Variants in ATP5MJ observed in about 807,000 individuals in gnomAD.
ATP5MJ encodes the protein ATP synthase membrane subunit j, also known as ATP synthase F(0) complex subunit j, mitochondrial.
In ATP5MJ, 4 loss-of-function variants were observed where a neutral mutation model predicts 8.3. The observed-to-expected ratio is 0.48, with a 90% confidence interval of 0.24 to 1.11. ATP5MJ has a LOEUF of 1.11. Among genes scored for constraint, ATP5MJ ranks in the 50% least tolerant of loss-of-function variants. The pLI is 0.18. For missense variants in ATP5MJ, 66 were observed against 71.8 expected, an observed-to-expected ratio of 0.92 and a Z score of 0.29; for synonymous variants, 23 against 21.3, an observed-to-expected ratio of 1.08 and a Z score of -0.23.
chr14:103,920,812 CTGTG>C, intron 1 of ATP5MJ: 1 of 784,162 alleles, frequency 1.3e-6, no homozygotes, highest in Admixed American at 2.0e-5. Flanking sequence ...CATTTCCTAG[CTGTG>C]TGTGTCAGTT....
intron 3 of ATP5MJ, chr14:103,913,146 C>T (rs2087593821): frequency 6.4e-6 from 1 of 156,548 alleles, no homozygotes; most frequent in South Asian, 1.9e-4. Flanking sequence ...CCGGCCAACC[C>T]CATCTCTACT....
At chr14:103,917,011 G>A (rs1451876212) in intron 1 of ATP5MJ, among the ~76,000 whole-genome samples, 1 of 152,124 alleles carries the variant, frequency 6.6e-6, no homozygotes, top group Non-Finnish European at 1.5e-5. Flanking sequence ...TTATTCACTT[G>A]GCAAATGTGC....
chr14:103,921,293 C>G (rs1291352629), intron 1 of ATP5MJ, 177 bp downstream of exon 1: 1 of 384,410 alleles, frequency 2.6e-6, no homozygotes, highest in African/African-American at 2.0e-5. Context: ...GCGATGCTTC[C>G]CTCTGGCAAC....
chr14:103,915,809 C>T (rs977028578), intron 1 of ATP5MJ, among the ~76,000 whole-genome samples: 4 of 152,012 alleles, frequency 2.6e-5, no homozygotes, highest in Non-Finnish European at 5.9e-5. Flanking sequence ...CTTTCCACAG[C>T]TCTTCCAACT....
chr14:103,915,308 G>A (rs1267804801), intron 1 of ATP5MJ, 119 bp from the exon 2 acceptor site: 1 of 1,163,646 alleles, frequency 8.6e-7, no homozygotes, highest in East Asian at 2.5e-5. Flanking sequence ...AGCCTCGCCT[G>A]TGTCAGATGT....
At position 103,912,646 on chromosome 14, in the gene ATP5MJ, T is replaced by A; in HGVS notation, c.*20A>T. The A allele has an allele frequency of 6.2e-7, 1 of 1,613,512 alleles. No individual in the cohort carries two copies. Among genetic ancestry groups the A allele is most frequent in the Non-Finnish European group, 8.5e-7 (1 of 1,179,504 alleles). On this transcript the variant is annotated 3_prime_UTR_variant, in exon 4 of 4. Coordinates refer to ENST00000286953, the MANE Select transcript of ATP5MJ (RefSeq NM_004894.3). ...AGGCAGACTGACGTTTTCTTTCACA[T>A]GTACTCCAAGTAAATCTGGTTAGTG... is the stretch of plus-strand genomic sequence containing the variant.
intron 3 of ATP5MJ, 189 bp from the exon 4 acceptor site, chr14:103,912,883 C>G: frequency 3.3e-6 from 2 of 603,016 alleles, no homozygotes; most frequent in South Asian, 2.1e-5. Flanking sequence ...CATGTAATGA[C>G]AGCAGACAGG....
At chr14:103,917,553 G>A (rs986237392) in intron 1 of ATP5MJ, among the ~76,000 whole-genome samples, 3 of 151,726 alleles carry the variant, frequency 2.0e-5, no homozygotes, top group African/African-American at 7.3e-5. Context: ...GATGGGATTC[G>A]AGGGCAGCTG....
intron 2 of ATP5MJ, chr14:103,914,603 C>T (rs917592826): frequency 1.5e-5 from 10 of 653,182 alleles, no homozygotes; most frequent in Non-Finnish European, 2.8e-5. Flanking sequence ...GAGTTCAAGA[C>T]CAGCCTGGGT....
chr14:103,918,546 G>A (rs1411040579), intron 1 of ATP5MJ, among the ~76,000 whole-genome samples: 1 of 151,786 alleles, frequency 6.6e-6, no homozygotes, highest in African/African-American at 2.4e-5. Flanking sequence ...ATTTTTAGTA[G>A]AGACTTGGTT....
At position 103,912,687 on chromosome 14, in the gene ATP5MJ, C is replaced by G. The variant is rs773442111; in HGVS notation, c.156G>C (p.Ala52=). Residue 52 remains alanine, a synonymous_variant, in exon 4 of 4, where the codon GCG becomes GCC. Coordinates refer to ENST00000286953, the MANE Select transcript of ATP5MJ (RefSeq NM_004894.3). The stretch of plus-strand genomic sequence containing the variant: ...CTGGTTAGTGATGACCAGGAGCAGG[C>G]GCTGAAGCTTTTGAAAGAGATGCAT... The part of the protein sequence containing the change: ...DKRSKALKAS[A]PAPGHH 6.2e-7 allele frequency: 1 copy of G among 1,613,736 alleles called. No individual in the cohort carries two copies. The highest frequency in any genetic ancestry group is 8.5e-7 in the Non-Finnish European group (1 of 1,179,884).
chr14:103,915,217 T>C, intron 1 of ATP5MJ, 28 bp from the exon 2 acceptor site: 1 of 1,606,142 alleles, frequency 6.2e-7, no homozygotes, highest in South Asian at 1.1e-5. Flanking sequence ...GATTAAAAAT[T>C]AGAATGATGA....
intron 3 of ATP5MJ, 35 bp from the exon 4 acceptor site, chr14:103,912,729 AGAAG>A: frequency 1.7e-5 from 27 of 1,604,318 alleles, no homozygotes; most frequent in Non-Finnish European, 2.2e-5. Flanking sequence ...ATATGATTTA[AGAAG>A]GAAGGAACAA....
intron 1 of ATP5MJ, among the ~76,000 whole-genome samples, chr14:103,917,545 T>A (rs1453545019): frequency 6.6e-6 from 1 of 152,112 alleles, no homozygotes; most frequent in East Asian, 1.9e-4. Context: ...CTGGCCTGGA[T>A]GGGATTCGAG....
intron 1 of ATP5MJ, among the ~76,000 whole-genome samples, chr14:103,917,524 A>G (rs1430555486): frequency 6.6e-6 from 1 of 151,588 alleles, no homozygotes; most frequent in Non-Finnish European, 1.5e-5. Flanking sequence ...AATTCAGTTT[A>G]GAATCTGGAA....
intron 2 of ATP5MJ, 181 bp downstream of exon 2, chr14:103,914,884 CA>C (rs1438068739): frequency 2.0e-6 from 1 of 505,698 alleles, no homozygotes; most frequent in Non-Finnish European, 3.1e-6. Context: ...AAAAATTCCC[CA>C]CTGTCCCCAA....
intron 2 of ATP5MJ, chr14:103,914,571 T>C (rs974188747): frequency 2.9e-6 from 2 of 688,822 alleles, no homozygotes; most frequent in Non-Finnish European, 5.3e-6. Flanking sequence ...GAAGCCAAGA[T>C]TGGAGGACTG....
intron 3 of ATP5MJ, chr14:103,913,446 C>T (rs913786266): frequency 2.4e-5 from 4 of 164,656 alleles, no homozygotes; most frequent in Non-Finnish European, 3.9e-5. Context: ...CCTATCTCTA[C>T]TAAAAATACA....
intron 1 of ATP5MJ, chr14:103,921,162 A>T (rs1312124833): frequency 6.1e-6 from 5 of 822,480 alleles, no homozygotes; most frequent in African/African-American, 1.7e-5. Flanking sequence ...AACTCTGCGT[A>T]GCCTCTGGGT....
Sources: allele counts gnomAD v4.1 joint callset (sites outside exome capture counted in the v4.1 genomes callset), GRCh38; gene constraint gnomAD v4.1.1; transcripts MANE v1.5; gene names NCBI Gene and HGNC (gene_info 2026-07-23, HGNC 2026-07-21).